The following C5orf15 variants were observed in gnomAD, a reference collection of about 807,000 sequenced individuals.
C5orf15 encodes keratinocyte-associated transmembrane protein 2.
In C5orf15, 10 loss-of-function variants were observed where a neutral mutation model predicts 17.8. The ratio of observed to expected loss-of-function variants is 0.56; its 90% confidence interval spans 0.35 to 0.95. C5orf15 has a LOEUF of 0.95. Among genes scored for constraint, C5orf15 ranks in the 40% least tolerant of loss-of-function variants. The pLI, the probability that C5orf15 is intolerant of heterozygous loss-of-function variation, is 0.02. For missense variants in C5orf15, 319 were observed against 331.7 expected (o/e 0.96, Z 0.30); for synonymous variants, 124 against 131.0 (o/e 0.95, Z 0.36).
intron 1 of C5orf15, among the ~76,000 whole-genome samples, chr5:133,966,734 C>G (rs1309874037): frequency 6.6e-6 from 1 of 152,142 alleles, no homozygotes; most frequent in East Asian, 1.9e-4. Context: ...GGTATGCTTA[C>G]AAAAAATACT....
chr5:133,963,255 C>T (rs77265731), intron 1 of C5orf15, among the ~76,000 whole-genome samples: 9,552 of 152,300 alleles, frequency 0.063, 392 homozygotes, highest in South Asian at 0.13. Flanking sequence ...CTGTTATCCT[C>T]ATTTTCAACT....
In C5orf15 at chr5:133,959,582, T is replaced by C. The variant is rs140019966; in HGVS notation, c.578A>G (p.Glu193Gly). 1.5e-5 allele frequency: 24 copies of C among 1,609,632 alleles called. No homozygotes were observed. Among genetic ancestry groups the C allele is most frequent in the Non-Finnish European group, 1.6e-5 (19 of 1,178,102 alleles). ...KSFKMPSSNI[E>G]EEDSHFFFHL... ...AAAAAAGAAATGGCTGTCTTCCTCT[T>C]CTATATTTGAGGATGGCATCTTAAA... Residue 193 changes from glutamate (E) to glycine (G), a missense_variant, in exon 2 of 3, where the codon GAA (glutamate) becomes GGA (glycine). Physicochemically the swap from Glu to Gly is moderately conservative, Grantham distance 98. This residue lies in a region of C5orf15 where 175 missense variants were observed against 192.4 expected (regional missense o/e 0.91). Coordinates refer to ENST00000231512, the MANE Select transcript of C5orf15 (RefSeq NM_020199.3).
intron 1 of C5orf15, among the ~76,000 whole-genome samples, chr5:133,963,271 C>T (rs540497505): frequency 4.6e-5 from 7 of 152,184 alleles, no homozygotes; most frequent in Non-Finnish European, 1.0e-4. Context: ...CAACTGATGA[C>T]ATCACTTCCT....
At chr5:133,958,043 G>A (rs1402176837) in intron 2 of C5orf15, among the ~76,000 whole-genome samples, 5 of 151,840 alleles carry the variant, frequency 3.3e-5, no homozygotes, top group Admixed American at 6.6e-5. Flanking sequence ...GCACAGAAAT[G>A]TTCATCACAA....
Position 133,955,912 on chromosome 5 carries a change from G to A in C5orf15, c.*947C>T, listed in dbSNP as rs1752036948. On this transcript the variant is annotated 3_prime_UTR_variant, in exon 3 of 3. Coordinates refer to ENST00000231512, the MANE Select transcript of C5orf15 (RefSeq NM_020199.3). ...AACAAAAACAAAGAAAACAAGTGTG[G>A]GGGAAAAAAGGTAATTGTACACAAA... 1 of 152,058 alleles carries A rather than the reference G, an allele frequency of 6.6e-6. No homozygotes were observed. The highest frequency in any genetic ancestry group is 2.4e-5 in the African/African-American group (1 of 41,384). The allele number at this position is 152,058 out of a possible 1,614,324, so 9.4% of individuals were successfully genotyped here. A position where few individuals can be genotyped will look rare whatever the true frequency, so the allele number is the denominator to read the frequency against.
intron 2 of C5orf15, 37 bp downstream of exon 2, chr5:133,959,457 C>A (rs1166433333): frequency 1.1e-4 from 55 of 505,322 alleles, no homozygotes; most frequent in Non-Finnish European, 1.3e-4. Flanking sequence ...AGCATTATGA[C>A]TGAAATAATA....
chr5:133,966,569 A>C (rs1283333732), intron 1 of C5orf15, among the ~76,000 whole-genome samples: 1 of 152,248 alleles, frequency 6.6e-6, no homozygotes, highest in Non-Finnish European at 1.5e-5. Flanking sequence ...CGAGCATATA[A>C]CCAAGCATTG....
At chr5:133,957,657 T>C (rs528316749) in intron 2 of C5orf15, among the ~76,000 whole-genome samples, 9 of 152,302 alleles carry the variant, frequency 5.9e-5, no homozygotes, top group African/African-American at 2.2e-4. Context: ...TAGCACTAAA[T>C]ACAAATAACC....
chr5:133,962,039 T>C (rs989690436), intron 1 of C5orf15, among the ~76,000 whole-genome samples: 2 of 152,228 alleles, frequency 1.3e-5, no homozygotes, highest in African/African-American at 4.8e-5. Flanking sequence ...AACTTAGTTA[T>C]AATTCAAGAA....
intron 2 of C5orf15, among the ~76,000 whole-genome samples, chr5:133,958,602 A>AAC: frequency 6.6e-6 from 1 of 150,776 alleles, no homozygotes; most frequent in Non-Finnish European, 1.5e-5. Flanking sequence ...AAAAAAAAAA[A>AAC]AACTCTGTGA....
intron 1 of C5orf15, 60 bp downstream of exon 1, chr5:133,968,369 CCCTGGCCCGGCCTGTCT>C: frequency 6.5e-7 from 1 of 1,539,558 alleles, no homozygotes; most frequent in South Asian, 1.2e-5. Flanking sequence ...AGCGCCCTTT[CCCTGGCCCGGCCTGTCT>C]CCTGCCCTGC....
intron 1 of C5orf15, 45 bp from the exon 2 acceptor site, chr5:133,960,065 TC>T: frequency 6.6e-7 from 1 of 1,524,406 alleles, no homozygotes. Flanking sequence ...CAACTTTATC[TC>T]CACCAAGCTA....
intron 1 of C5orf15, among the ~76,000 whole-genome samples, chr5:133,960,950 AC>A (rs1257073782): frequency 1.3e-5 from 2 of 151,628 alleles, no homozygotes; most frequent in Non-Finnish European, 2.9e-5. Flanking sequence ...AAAAAAAAAA[AC>A]CTCTGTCATG....
chr5:133,960,951 C>A (rs940369273), intron 1 of C5orf15, among the ~76,000 whole-genome samples: 5 of 150,852 alleles, frequency 3.3e-5, no homozygotes, highest in African/African-American at 4.9e-5. Flanking sequence ...AAAAAAAAAA[C>A]CTCTGTCATG....
At chr5:133,958,576 CAAAAAAAAAAAAAA>C (rs71581378) in intron 2 of C5orf15, among the ~76,000 whole-genome samples, 2 of 32,002 alleles carry the variant, frequency 6.2e-5, no homozygotes, top group East Asian at 1.9e-3. Flanking sequence ...AGCTCTGTCT[CAAAAAAAAAAAAAA>C]AAAAAAAAAA....
chr5:133,961,833 G>A (rs1752129642), intron 1 of C5orf15, among the ~76,000 whole-genome samples: 1 of 151,304 alleles, frequency 6.6e-6, no homozygotes, highest in Non-Finnish European at 1.5e-5. Flanking sequence ...CATATTCCAG[G>A]GTTCAAGAAA....
Position 133,956,895 on chromosome 5 carries a change from C to T in C5orf15, c.762G>A (p.Met254Ile). The T allele has an allele frequency of 6.2e-7, 1 of 1,604,282 alleles. No individual in the cohort carries two copies. The highest frequency in any genetic ancestry group is 8.5e-7 in the Non-Finnish European group (1 of 1,176,066). Residue 254 changes from methionine (M) to isoleucine (I), a missense_variant, in exon 3 of 3, where the codon ATG becomes ATA. Physicochemically the swap from Met to Ile is conservative, Grantham distance 10 (BLOSUM62 1). Transcript: ENST00000231512. ...AATCATTGGTAATCTTCAAAGAAGG[C>T]ATTGCCTCATTAACATTCTGATCTA... is the stretch of plus-strand genomic sequence containing the variant. Reference protein sequence around the residue: ...HRLDQNVNEAMPSLKITNDYI... With the variant: ...HRLDQNVNEAIPSLKITNDYI...
chr5:133,968,585 A>T lies in C5orf15; in HGVS notation c.-1T>A. The stretch of plus-strand genomic sequence containing the variant: ...TCCTCTTCGGGACGGCAGCGGCCAT[A>T]ACGGACTCGGCTGGGAGCCTGCGCT... On this transcript the variant is annotated 5_prime_UTR_variant, in exon 1 of 3. Transcript: ENST00000231512. The T allele has an allele frequency of 6.2e-7, 1 of 1,609,138 alleles. No homozygotes were observed. Among genetic ancestry groups the T allele is most frequent in the Non-Finnish European group, 8.5e-7 (1 of 1,178,176 alleles).
At chr5:133,960,090 C>T in intron 1 of C5orf15, 70 bp from the exon 2 acceptor site, 1 of 1,353,874 alleles carries the variant, frequency 7.4e-7, no homozygotes. Flanking sequence ...GCATATTTAC[C>T]CAAATTTTAC....
Sources: gnomAD v4.1 joint callset for allele counts (sites outside exome capture counted in the v4.1 genomes callset) on GRCh38, gnomAD v4.1.1 for gene constraint, gnomAD v4.1.1 regional missense constraint, MANE v1.5 for transcripts, NCBI Gene and HGNC (gene_info 2026-07-23, HGNC 2026-07-21) for gene names.